Variants in ANO4 observed in about 807,000 individuals in gnomAD.
ANO4 encodes anoctamin 4.
A neutral mutation model predicts 141.9 loss-of-function variants in ANO4; 69 were observed. The ratio of observed to expected loss-of-function variants is 0.49; its 90% CI spans 0.40 to 0.59. The LOEUF (loss-of-function observed/expected upper bound fraction) is 0.59, where lower values mean the gene tolerates loss of function less well. Ranked by LOEUF, ANO4 falls within the 20% of genes least tolerant of loss-of-function variation. The probability of loss-of-function intolerance (pLI) is 0.00; values close to 1 mark genes in which losing one functional copy is unlikely to be tolerated. For synonymous variants in ANO4, 350 were observed against 394.3 expected (o/e 0.89, Z 1.33); for missense variants, 894 against 1,162.2 (o/e 0.77, Z 3.36).
intron 1 of ANO4, among the ~76,000 whole-genome samples, chr12:100,816,929 G>A (rs1425662246): frequency 2.0e-5 from 3 of 151,742 alleles, no homozygotes; most frequent in Non-Finnish European, 4.4e-5. Flanking sequence ...TTCAGTTGTT[G>A]TTGAGTAAAT....
chr12:100,974,695 TG>T, intron 6 of ANO4, 149 bp from the exon 7 acceptor site: 1 of 823,404 alleles, frequency 1.2e-6, no homozygotes, highest in Non-Finnish European at 2.1e-6. Flanking sequence ...GTGTTCCCAC[TG>T]TATTTCTCAC....
At chr12:100,837,210 T>C (rs1234094424) in intron 1 of ANO4, among the ~76,000 whole-genome samples, 1 of 152,182 alleles carries the variant, frequency 6.6e-6, no homozygotes. Context: ...CTAATACCTA[T>C]TGAGCACCTA....
At chr12:101,014,755 T>C (rs2136462980) in intron 8 of ANO4, among the ~76,000 whole-genome samples, 1 of 152,304 alleles carries the variant, frequency 6.6e-6, no homozygotes, top group East Asian at 1.9e-4. Flanking sequence ...TATTCCCCTC[T>C]TCACCGAATT....
chr12:100,841,523 T>C (rs532193314), intron 1 of ANO4, among the ~76,000 whole-genome samples: 7 of 152,134 alleles, frequency 4.6e-5, no homozygotes, highest in East Asian at 3.9e-4. Flanking sequence ...TGAGGAGATA[T>C]AGAATAATGA....
intron 1 of ANO4, among the ~76,000 whole-genome samples, chr12:100,830,798 T>C (rs1179511052): frequency 6.6e-6 from 1 of 152,142 alleles, no homozygotes; most frequent in Non-Finnish European, 1.5e-5. Context: ...AAATGGTTAA[T>C]TTGACTTGAG....
intron 3 of ANO4, among the ~76,000 whole-genome samples, chr12:100,744,487 G>A (rs2032015050): frequency 6.6e-6 from 1 of 152,048 alleles, no homozygotes; most frequent in African/African-American, 2.4e-5. Context: ...CTTATTATAA[G>A]GGCACTAATC....
At chr12:100,831,567 G>T (rs1263018112) in intron 1 of ANO4, among the ~76,000 whole-genome samples, 2 of 152,108 alleles carry the variant, frequency 1.3e-5, no homozygotes, top group Non-Finnish European at 2.9e-5. Flanking sequence ...GGAGGGCACT[G>T]GGCTCCTCAG....
At chr12:100,944,375 A>T (rs867252615) in intron 5 of ANO4, among the ~76,000 whole-genome samples, 22 of 86,690 alleles carry the variant, frequency 2.5e-4, no homozygotes, top group Admixed American at 9.0e-4. Context: ...GTTGGAATTT[A>T]AAAAAAAAAT....
At chr12:100,998,315 G>A (rs2045479655) in intron 8 of ANO4, among the ~76,000 whole-genome samples, 1 of 151,986 alleles carries the variant, frequency 6.6e-6, no homozygotes, top group East Asian at 1.9e-4. Flanking sequence ...CTTGCTCCTC[G>A]GCTTGCAGGC....
intron 1 of ANO4, among the ~76,000 whole-genome samples, chr12:100,896,407 T>C (rs926851875): frequency 1.3e-5 from 2 of 151,526 alleles, no homozygotes; most frequent in African/African-American, 2.4e-5. Context: ...CTGGCGCCCG[T>C]GAGAAGCTGA....
intron 14 of ANO4, among the ~76,000 whole-genome samples, chr12:101,048,800 T>C (rs2047741018): frequency 6.6e-6 from 1 of 152,086 alleles, no homozygotes; most frequent in Admixed American, 6.5e-5. Flanking sequence ...CTGTACAAAA[T>C]TACCCCTAAA....
intron 22 of ANO4, among the ~76,000 whole-genome samples, chr12:101,101,134 C>G (rs945815210): frequency 6.6e-5 from 10 of 152,182 alleles, no homozygotes; most frequent in African/African-American, 2.2e-4. Context: ...ACCCAGTGAG[C>G]TAGATCAAGA....
intron 14 of ANO4, among the ~76,000 whole-genome samples, chr12:101,056,446 A>C (rs953167943): frequency 2.0e-5 from 3 of 152,164 alleles, no homozygotes; most frequent in Non-Finnish European, 4.4e-5. Flanking sequence ...TTGACCATAT[A>C]TCTTGTGACT....
intron 6 of ANO4, among the ~76,000 whole-genome samples, chr12:100,972,968 A>G (rs1270106791): frequency 2.6e-5 from 4 of 152,218 alleles, no homozygotes; most frequent in African/African-American, 4.8e-5. Context: ...TGCCTACTAC[A>G]CAGCAGAAAT....
At chr12:100,788,075 A>G (rs371052344) in intron 3 of ANO4, among the ~76,000 whole-genome samples, 20 of 152,210 alleles carry the variant, frequency 1.3e-4, no homozygotes, top group African/African-American at 4.1e-4. Context: ...TTATTTATTT[A>G]TTAGGCCTCC....
chr12:101,097,930 T>C lies in ANO4; in HGVS notation c.1991T>C (p.Met664Thr). The C allele has an allele frequency of 6.2e-7, 1 of 1,613,732 alleles. No homozygotes were observed. The highest frequency in any genetic ancestry group is 8.5e-7 in the Non-Finnish European group (1 of 1,179,700). Reference sequence around the variant, plus strand: ...CTAAAGCAGACCTGGAATAATTTCATGGAACTTGGCTACCCGTAAGTACCT... The same window carrying C: ...CTAAAGCAGACCTGGAATAATTTCACGGAACTTGGCTACCCGTAAGTACCT... ...MVLKQTWNNFMELGYPLIQNW... is the reference protein window; with the variant it reads ...MVLKQTWNNFTELGYPLIQNW... The change falls in exon 21 of 28, where the codon ATG (methionine) becomes ACG (threonine). Residue 664 changes from methionine to threonine, a missense_variant. This residue lies in a region of ANO4 where 637 missense variants were observed against 909.2 expected (regional missense o/e 0.70). Coordinates refer to ENST00000392977, the MANE Select transcript of ANO4 (RefSeq NM_001286615.2).
intron 5 of ANO4, among the ~76,000 whole-genome samples, chr12:100,950,711 C>T (rs1479818304): frequency 6.6e-6 from 1 of 152,282 alleles, no homozygotes; most frequent in South Asian, 2.1e-4. Context: ...ACTTTTCAGA[C>T]ACGGGCCCCC....
chr12:100,879,385 A>G (rs1445265985), intron 1 of ANO4, among the ~76,000 whole-genome samples: 4 of 152,148 alleles, frequency 2.6e-5, no homozygotes, highest in South Asian at 2.1e-4. Flanking sequence ...TTGGATAACT[A>G]TTGGCTCCAG....
intron 26 of ANO4, among the ~76,000 whole-genome samples, chr12:101,121,317 A>C (rs1035663751): frequency 6.6e-6 from 1 of 152,100 alleles, no homozygotes; most frequent in African/African-American, 2.4e-5. Context: ...AAGTACGTAC[A>C]ATAAGAACTT....
Sources: allele counts gnomAD v4.1 joint callset (sites outside exome capture counted in the v4.1 genomes callset), GRCh38; gene constraint gnomAD v4.1.1; regional missense constraint gnomAD v4.1.1; transcripts MANE v1.5; gene names NCBI Gene and HGNC (gene_info 2026-07-23, HGNC 2026-07-21).